Variants in CACNA1D observed in about 807,000 individuals in gnomAD.
The protein encoded by CACNA1D is voltage-dependent L-type calcium channel subunit alpha-1D.
Under a neutral mutation model 257.1 loss-of-function variants are expected in CACNA1D, and 55 were observed. The observed-to-expected ratio is 0.21, with a 90% CI of 0.17 to 0.27. CACNA1D has a LOEUF of 0.27. CACNA1D is among the 10% of genes least tolerant of loss of function. The pLI, the probability that CACNA1D is intolerant of heterozygous loss-of-function variation, is 1.00. For synonymous variants in CACNA1D, 980 were observed against 1,014.9 expected (o/e 0.97, Z 0.65); for missense variants, 1,876 against 2,784.0 (o/e 0.67, Z 7.34).
intron 9 of CACNA1D, among the ~76,000 whole-genome samples, chr3:53,708,467 T>C (rs1405329520): frequency 6.6e-6 from 1 of 152,118 alleles, no homozygotes; most frequent in Non-Finnish European, 1.5e-5. Flanking sequence ...ACTGTCTCCA[T>C]TGGGGTGGCA....
At chr3:53,531,018 A>ATTT (rs11328561) in intron 3 of CACNA1D, among the ~76,000 whole-genome samples, 1 of 118,900 alleles carries the variant, frequency 8.4e-6, no homozygotes. Context: ...GCTAATTTTA[A>ATTT]TTTTTTTTTT....
chr3:53,670,593 C>T (rs1489603343), intron 7 of CACNA1D, among the ~76,000 whole-genome samples: 4 of 152,184 alleles, frequency 2.6e-5, no homozygotes, highest in African/African-American at 9.7e-5. Context: ...GATCCACCTG[C>T]CTTGGCCTCC....
chr3:53,780,652 A>G (rs1379614475), intron 38 of CACNA1D, among the ~76,000 whole-genome samples: 1 of 152,250 alleles, frequency 6.6e-6, no homozygotes, highest in Non-Finnish European at 1.5e-5. Context: ...CAGCTGAGAG[A>G]CCAAACCAGA....
intron 8 of CACNA1D, chr3:53,679,269 T>TAA (rs1559504844): frequency 3.6e-3 from 23 of 6,376 alleles, no homozygotes; most frequent in African/African-American, 7.2e-3. Flanking sequence ...AAACTCCATC[T>TAA]CAAAAAAAAA....
chr3:53,761,130 G>A (rs1175304857), intron 29 of CACNA1D, among the ~76,000 whole-genome samples: 1 of 152,188 alleles, frequency 6.6e-6, no homozygotes, highest in Non-Finnish European at 1.5e-5. Flanking sequence ...GACATCAGGA[G>A]GTGGGGAGGA....
At chr3:53,614,636 C>G (rs920663383) in intron 3 of CACNA1D, among the ~76,000 whole-genome samples, 1 of 152,168 alleles carries the variant, frequency 6.6e-6, no homozygotes, top group Non-Finnish European at 1.5e-5. Context: ...GGCCCACATT[C>G]GTTTCACAGA....
chr3:53,732,689 T>C (rs2095009819), intron 18 of CACNA1D, 126 bp from the exon 19 acceptor site: 1 of 887,118 alleles, frequency 1.1e-6, no homozygotes, highest in African/African-American at 1.6e-5. Context: ...AGCAGGAGGG[T>C]TTTGATTCAT....
chr3:53,566,758 C>T (rs779247834), intron 3 of CACNA1D, among the ~76,000 whole-genome samples: 7 of 152,172 alleles, frequency 4.6e-5, no homozygotes, highest in Non-Finnish European at 8.8e-5. Flanking sequence ...AGAGCTCCTG[C>T]GGCAGCTTGC....
chr3:53,811,385 GA>G lies in CACNA1D; in HGVS notation c.6466del (p.Ile2156TyrfsTer32), dbSNP rs1190675663. The G allele has an allele frequency of 6.3e-7, 1 of 1,576,458 alleles. No homozygotes were observed. Among genetic ancestry groups the G allele is most frequent in the South Asian group, 1.2e-5 (1 of 85,382 alleles). On this transcript the variant is annotated frameshift_variant, in exon 48 of 48. Coordinates refer to ENST00000350061, the MANE Select transcript of CACNA1D (RefSeq NM_001128840.3). LOFTEE classifies it high-confidence loss of function. This position sits in a 1 kb window ranked among gnomAD's most constrained non-coding sequence, Gnocchi z 4.2. ...RDEEDLADEM[I>X]CITTL ...ATGAGGAGGACCTGGCGGATGAAAT[GA>G]TATGCATCACCACCTTGTAGCCCCC...
At chr3:53,762,439 G>A (rs2095308878) in intron 30 of CACNA1D, 1 of 424,812 alleles carries the variant, frequency 2.4e-6, no homozygotes, top group Non-Finnish European at 4.6e-6. Flanking sequence ...GATGTTTCAA[G>A]TCGCCGTGTG....
chr3:53,698,105 C>A (rs1298053246), intron 8 of CACNA1D, among the ~76,000 whole-genome samples: 1 of 152,250 alleles, frequency 6.6e-6, no homozygotes, highest in Non-Finnish European at 1.5e-5. Flanking sequence ...GATACATACA[C>A]ATACTCACAT....
intron 3 of CACNA1D, among the ~76,000 whole-genome samples, chr3:53,571,643 T>C (rs2092946358): frequency 6.6e-6 from 1 of 152,098 alleles, no homozygotes; most frequent in Admixed American, 6.5e-5. Flanking sequence ...GTCCTGTCCA[T>C]AGGGTGACAG....
chr3:53,749,194 C>T (rs1387671974), intron 26 of CACNA1D, 74 bp from the exon 27 acceptor site: 2 of 1,044,242 alleles, frequency 1.9e-6, no homozygotes, highest in Non-Finnish European at 1.5e-6. Flanking sequence ...AGAGGGAGGA[C>T]CTGGGAAGGC....
intron 40 of CACNA1D, among the ~76,000 whole-genome samples, chr3:53,796,727 C>T (rs1295640433): frequency 6.6e-6 from 1 of 152,164 alleles, no homozygotes; most frequent in Non-Finnish European, 1.5e-5. Context: ...AAGCAGCAGT[C>T]TACAGGCAAA....
At chr3:53,590,450 GT>G (rs1328997942) in intron 3 of CACNA1D, among the ~76,000 whole-genome samples, 1 of 152,226 alleles carries the variant, frequency 6.6e-6, no homozygotes, top group Non-Finnish European at 1.5e-5. Context: ...GGCAGACCTA[GT>G]TTCAGACCTT....
chr3:53,555,581 T>C (rs1462332035), intron 3 of CACNA1D, among the ~76,000 whole-genome samples: 1 of 151,408 alleles, frequency 6.6e-6, no homozygotes. Context: ...AGCCCTTTCA[T>C]TTAATGCTAT....
chr3:53,737,631 T>A (rs1401626282), intron 20 of CACNA1D, among the ~76,000 whole-genome samples: 1 of 152,188 alleles, frequency 6.6e-6, no homozygotes, highest in African/African-American at 2.4e-5. Context: ...AAGACCTGCC[T>A]GGCCAACATG....
chr3:53,664,690 G>T (rs1576281796), intron 5 of CACNA1D, among the ~76,000 whole-genome samples: 2 of 143,154 alleles, frequency 1.4e-5, no homozygotes. Context: ...GCTGTGCCCA[G>T]AGAGAAGCTG....
chr3:53,758,613 C>T (rs918355820), intron 29 of CACNA1D, among the ~76,000 whole-genome samples: 1 of 152,164 alleles, frequency 6.6e-6, no homozygotes. Flanking sequence ...CCCTGAGGCC[C>T]ACATTAGTCT....
Sources: gnomAD v4.1 joint callset for allele counts (sites outside exome capture counted in the v4.1 genomes callset) on GRCh38, gnomAD v4.1.1 for gene constraint, Gnocchi (gnomAD v3.1) non-coding constraint, MANE v1.5 for transcripts, NCBI Gene and HGNC (gene_info 2026-07-23, HGNC 2026-07-21) for gene names.